Variants in CS observed in about 807,000 individuals in gnomAD.
CS encodes citrate synthase.
CS carries 13 observed loss-of-function variants against 61.4 expected under a neutral mutation model. The ratio of observed to expected loss-of-function variants is 0.21; its 90% CI spans 0.14 to 0.34. CS has a LOEUF of 0.34. CS is among the 10% of genes least tolerant of loss of function. The pLI, the probability that CS is intolerant of heterozygous loss-of-function variation, is 1.00. For missense variants in CS, 278 were observed against 573.4 expected, an observed-to-expected ratio of 0.48 and a Z score of 5.26; for synonymous variants, 159 against 215.2, an observed-to-expected ratio of 0.74 and a Z score of 2.29.
Position 56,272,995 on chromosome 12 carries a change from T to G in CS, c.*89A>C, listed in dbSNP as rs1592404323. On this transcript the variant is annotated 3_prime_UTR_variant, in exon 11 of 11. Transcript: ENST00000351328. Reference sequence around the variant, plus strand: ...CAGTGCCTCAGATATAATTTAATCTTAAGTCTTTAAAGGCCCCCTGAAACA... The same window carrying G: ...CAGTGCCTCAGATATAATTTAATCTGAAGTCTTTAAAGGCCCCCTGAAACA... 6 of 707,170 alleles carry G rather than the reference T, an allele frequency of 8.5e-6. No individual in the cohort carries two copies. The East Asian group carries it at 1.3e-4, about 15-fold the overall frequency. The allele number at this position is 707,170 out of a possible 1,614,324, so 43.8% of individuals were successfully genotyped here.
chr12:56,286,850 C>T (rs1420946335), intron 1 of CS, among the ~76,000 whole-genome samples: 1 of 152,096 alleles, frequency 6.6e-6, no homozygotes, highest in Non-Finnish European at 1.5e-5. Flanking sequence ...TTTTTTTCAT[C>T]CATAGCTTCA....
chr12:56,278,403 C>T (rs1413678444), intron 6 of CS, among the ~76,000 whole-genome samples: 2 of 152,176 alleles, frequency 1.3e-5, no homozygotes, highest in Non-Finnish European at 1.5e-5. Context: ...GCTGAGATTA[C>T]AGGCGTGAGC....
Position 56,295,245 on chromosome 12 carries a change from G to A in CS, c.42+4915C>T, listed in dbSNP as rs536485348. 8.6e-5 allele frequency among the ~76,000 whole-genome samples: 13 copies of A among 152,038 alleles called. No individual in the cohort carries two copies. In the East Asian group the frequency reaches 1.4e-3, roughly 16 times the overall value. ...CCTAGCTAATAAATATTTCTTGGCC[G>A]GGCACGGTGGCTCATGCCTGTAATC... On this transcript the variant is annotated intron_variant, in intron 1 of 10. Coordinates refer to ENST00000351328, the MANE Select transcript of CS (RefSeq NM_004077.3).
intron 1 of CS, chr12:56,298,802 G>A (rs192296872): frequency 2.5e-4 from 83 of 337,546 alleles, no homozygotes; most frequent in Middle Eastern, 1.5e-3. Context: ...CACTTTGGGA[G>A]GCCGAGGCAG....
intron 1 of CS, chr12:56,291,298 T>C: frequency 9.9e-7 from 1 of 1,009,970 alleles, no homozygotes; most frequent in Non-Finnish European, 1.2e-6. Context: ...AATGGATAAT[T>C]CCTTCCAGCT....
intron 1 of CS, among the ~76,000 whole-genome samples, chr12:56,287,049 C>T (rs1872960190): frequency 6.6e-6 from 1 of 152,180 alleles, no homozygotes; most frequent in South Asian, 2.1e-4. Context: ...GGAAAGACCA[C>T]AGGCAGAGGG....
chr12:56,275,808 TA>T (rs1359720434), intron 7 of CS, 187 bp downstream of exon 7: 1 of 607,842 alleles, frequency 1.6e-6, no homozygotes, highest in African/African-American at 1.9e-5. Flanking sequence ...ATGGTTACAG[TA>T]ATTTCTTTAG....
chr12:56,298,652 G>GC lies in CS; in HGVS notation c.42+1507dup, dbSNP rs1001287000. 6 of 985,318 alleles carry GC rather than the reference G, an allele frequency of 6.1e-6. No individual in the cohort carries two copies. The African/African-American group carries it at 1.0e-4, about 17-fold the overall frequency. The allele number at this position is 985,318 out of a possible 1,614,324, so 61.0% of individuals were successfully genotyped here. A position where few individuals can be genotyped will look rare whatever the true frequency, so the allele number is the denominator to read the frequency against. ...GAGAAGCAACAGCCAAGTAAGACAA[G>GC]CATCTCCCAAATGCTCAGCTAGTAC... On this transcript the variant is annotated intron_variant, in intron 1 of 10. Coordinates refer to ENST00000351328, the MANE Select transcript of CS (RefSeq NM_004077.3).
chr12:56,276,261 A>C, intron 6 of CS, 66 bp from the exon 7 acceptor site: 1 of 1,494,352 alleles, frequency 6.7e-7, no homozygotes. Flanking sequence ...TTAGGCAGGG[A>C]TATCGTCTGT....
intron 6 of CS, 89 bp from the exon 7 acceptor site, chr12:56,276,284 G>A: frequency 1.6e-6 from 2 of 1,226,294 alleles, no homozygotes; most frequent in Non-Finnish European, 2.4e-6. Flanking sequence ...TCCATGAATT[G>A]GGGCTATTTG....
chr12:56,281,797 G>A (rs1872783665), intron 6 of CS, among the ~76,000 whole-genome samples: 1 of 152,106 alleles, frequency 6.6e-6, no homozygotes, highest in African/African-American at 2.4e-5. Context: ...ATAGGTGTGA[G>A]CCACCTACCT....
At chr12:56,289,800 G>A (rs558658897) in intron 1 of CS, among the ~76,000 whole-genome samples, 57 of 151,956 alleles carry the variant, frequency 3.8e-4, no homozygotes, top group Non-Finnish European at 5.4e-4. Flanking sequence ...ATGTTGCCCC[G>A]GCTGGCTTTG....
At chr12:56,293,923 C>A (rs1365907043) in intron 1 of CS, among the ~76,000 whole-genome samples, 1 of 152,136 alleles carries the variant, frequency 6.6e-6, no homozygotes, top group Non-Finnish European at 1.5e-5. Flanking sequence ...GCAGAAGGAA[C>A]AACTTGCATT....
intron 6 of CS, 124 bp from the exon 7 acceptor site, chr12:56,276,319 G>A: frequency 2.6e-6 from 2 of 767,470 alleles, no homozygotes; most frequent in South Asian, 1.6e-5. Context: ...TATATGATGG[G>A]TTGTTATATA....
In CS at chr12:56,274,599, G is replaced by A. The variant is rs1872586280; in HGVS notation, c.1020+178C>T. ...TTGCCTCAGCCTCCCAAGTAGGTGG[G>A]ACTACAGGTGCATGCCATTGTGCCC... On this transcript the variant is annotated intron_variant, in intron 9 of 10. Transcript: ENST00000351328. 3 of 537,108 alleles carry A rather than the reference G, an allele frequency of 5.6e-6. No individual in the cohort carries two copies. The South Asian group carries it at 7.7e-5, about 14-fold the overall frequency. 33.3% of individuals were successfully genotyped at this position (537,108 alleles called of 1,614,324 possible).
chr12:56,296,447 C>A (rs532126767), intron 1 of CS, among the ~76,000 whole-genome samples: 2 of 152,056 alleles, frequency 1.3e-5, no homozygotes, highest in Admixed American at 6.6e-5. Context: ...CCAAAAAAAA[C>A]CCAAAACAGA....
intron 1 of CS, among the ~76,000 whole-genome samples, chr12:56,290,500 G>T (rs1449594854): frequency 6.6e-6 from 1 of 152,130 alleles, no homozygotes; most frequent in Non-Finnish European, 1.5e-5. Flanking sequence ...GTGAGCCACC[G>T]CGCTCAGCCT....
In CS at chr12:56,272,619, C is replaced by G. The variant is rs971645936; in HGVS notation, c.*465G>C. The stretch of plus-strand genomic sequence containing the variant: ...GGTGTTTGTGTGCATGGGAGAGGGC[C>G]AAGGGGCTTGGTACAGCTGACTATC... On this transcript the variant is annotated 3_prime_UTR_variant, in exon 11 of 11. Coordinates refer to ENST00000351328, the MANE Select transcript of CS (RefSeq NM_004077.3). 2 of 154,214 alleles carry G rather than the reference C, an allele frequency of 1.3e-5. No homozygotes were observed. The highest frequency in any genetic ancestry group is 2.4e-5 in the African/African-American group (1 of 41,442). The allele number at this position is 154,214 out of a possible 1,614,324, so 9.6% of individuals were successfully genotyped here. A position where few individuals can be genotyped will look rare whatever the true frequency, so the allele number is the denominator to read the frequency against.
intron 1 of CS, chr12:56,291,894 C>A: frequency 6.6e-6 from 1 of 152,236 alleles, no homozygotes; most frequent in East Asian, 1.9e-4. Flanking sequence ...GGCGTTATCA[C>A]AATCACGAAG....
Sources: allele counts gnomAD v4.1 joint callset (sites outside exome capture counted in the v4.1 genomes callset), GRCh38; gene constraint gnomAD v4.1.1; transcripts MANE v1.5; gene names NCBI Gene and HGNC (gene_info 2026-07-23, HGNC 2026-07-21).